The following ACTA2 variants were observed in gnomAD, a reference collection of about 807,000 sequenced individuals.
ACTA2 encodes the protein actin alpha 2, smooth muscle.
Under a neutral mutation model 39.5 loss-of-function variants are expected in ACTA2, and 12 were observed. The observed-to-expected ratio is 0.30, with a 90% confidence interval of 0.19 to 0.49. The LOEUF (loss-of-function observed/expected upper bound fraction) is 0.49, where lower values mean the gene tolerates loss of function less well. Ranked by LOEUF, ACTA2 falls within the 20% of genes least tolerant of loss-of-function variation. The pLI is 0.99. For missense variants in ACTA2, 236 were observed against 498.8 expected (o/e 0.47, Z 5.02); for synonymous variants, 158 against 180.6 (o/e 0.88, Z 1.00).
chr10:88,955,610 G>T (rs191340361), upstream of ACTA2, among the ~76,000 whole-genome samples: 252 of 152,312 alleles, frequency 1.7e-3, 2 homozygotes, highest in African/African-American at 5.8e-3. Flanking sequence ...TTCTTTATGG[G>T]AAATTTGACT....
At chr10:88,991,169 G>A in exon 1 of ACTA2, 1 of 586,134 alleles carries the variant, frequency 1.7e-6, no homozygotes, top group Non-Finnish European at 3.0e-6. Flanking sequence ...GGGCAGGCGG[G>A]GCAGCTCCGG....
intron 1 of ACTA2, among the ~76,000 whole-genome samples, chr10:88,970,636 G>A (rs1364106166): frequency 6.6e-6 from 1 of 152,118 alleles, no homozygotes; most frequent in Non-Finnish European, 1.5e-5. Flanking sequence ...CCTTACAATA[G>A]TTTGCTGAGA....
chr10:88,988,423 T>TG (rs1846976665), intron 1 of ACTA2, among the ~76,000 whole-genome samples: 1 of 76,162 alleles, frequency 1.3e-5, no homozygotes, highest in Admixed American at 1.2e-4. Flanking sequence ...GAAGTTTTTT[T>TG]TTTTTTTTGT....
At chr10:88,976,279 A>G (rs1359675353) in intron 1 of ACTA2, among the ~76,000 whole-genome samples, 1 of 152,194 alleles carries the variant, frequency 6.6e-6, no homozygotes, top group African/African-American at 2.4e-5. Flanking sequence ...ATTCAAAGCC[A>G]TCCTGGGCTG....
chr10:88,947,939 T>G (rs1278567354), intron 2 of ACTA2, among the ~76,000 whole-genome samples: 1 of 152,220 alleles, frequency 6.6e-6, no homozygotes, highest in Non-Finnish European at 1.5e-5. Flanking sequence ...CAATCAACTG[T>G]TAAGACATTT....
intron 1 of ACTA2, among the ~76,000 whole-genome samples, chr10:88,983,090 T>C (rs534762930): frequency 1.3e-5 from 2 of 152,332 alleles, no homozygotes; most frequent in African/African-American, 4.8e-5. Flanking sequence ...GTAGTTTATA[T>C]CCATATTGAG....
chr10:88,975,750 CCAGGAGATACTTGACAGAG>C (rs1351041594), intron 1 of ACTA2, among the ~76,000 whole-genome samples: 3 of 152,082 alleles, frequency 2.0e-5, no homozygotes, highest in Non-Finnish European at 4.4e-5. Context: ...AGGCCACAAA[CCAGGAGATACTTGACAGAG>C]CAGGAGGTGA....
intron 1 of ACTA2, among the ~76,000 whole-genome samples, chr10:88,950,677 A>G (rs2133278235): frequency 6.6e-6 from 1 of 152,336 alleles, no homozygotes; most frequent in East Asian, 1.9e-4. Context: ...AGTGATTATG[A>G]GCTTAGACTC....
rs763293284 is a variant in ACTA2 at position 88,990,297 on chromosome 10, G to A, written c.-24+642C>T. Among the ~76,000 whole-genome samples the A allele has an allele frequency of 6.6e-6, 1 of 152,170 alleles. No homozygotes were observed. Among genetic ancestry groups the A allele is most frequent in the Non-Finnish European group, 1.5e-5 (1 of 68,026 alleles). ...TTTCTCTGAGTGACTCCAGCAATTA[G>A]CCAAGGCTCCTGTACCCAGGCAGGA... On this transcript the variant is annotated intron_variant, in intron 1 of 4. Coordinates refer to the ACTA2 transcript ENST00000415557. This position sits in a 1 kb window ranked among gnomAD's most constrained non-coding sequence, Gnocchi z 4.9.
chr10:88,975,417 G>GTTTGT (rs1284075941), intron 1 of ACTA2, among the ~76,000 whole-genome samples: 1 of 152,102 alleles, frequency 6.6e-6, no homozygotes, highest in East Asian at 1.9e-4. Flanking sequence ...ACCTGAAAGT[G>GTTTGT]TTTGTTTTTT....
chr10:88,955,009 T>C (rs1263685219), upstream of ACTA2, among the ~76,000 whole-genome samples: 3 of 104,562 alleles, frequency 2.9e-5, no homozygotes, highest in Non-Finnish European at 5.7e-5. Flanking sequence ...AAAACAGTAG[T>C]GTCACACAAA....
At position 88,990,573 on chromosome 10, in the gene ACTA2, C is replaced by T; in HGVS notation, c.-24+366G>A. On this transcript the variant is annotated intron_variant, in intron 1 of 4. Coordinates refer to the ACTA2 transcript ENST00000415557. The surrounding 1 kb of genome is among the most constrained non-coding windows in gnomAD (Gnocchi z 4.9). The stretch of plus-strand genomic sequence containing the variant: ...CAAGTTGCTGAATCAATGGAGCCCT[C>T]CCCAACCCGGGCGTTCCCCAGCGAG... 1.5e-6 allele frequency: 1 copy of T among 656,870 alleles called. No individual in the cohort carries two copies. The highest frequency in any genetic ancestry group is 2.8e-6 in the Non-Finnish European group (1 of 357,220). 40.7% of individuals were successfully genotyped at this position (656,870 alleles called of 1,614,324 possible). A position where few individuals can be genotyped will look rare whatever the true frequency, so the allele number is the denominator to read the frequency against.
At chr10:88,957,860 CG>C (rs1358685072) in intron 1 of ACTA2, among the ~76,000 whole-genome samples, 2 of 152,086 alleles carry the variant, frequency 1.3e-5, no homozygotes, top group Non-Finnish European at 2.9e-5. Context: ...AACCGCCTAC[CG>C]GGTTCAAGTG....
At chr10:88,972,269 T>C (rs1317490223) in intron 1 of ACTA2, among the ~76,000 whole-genome samples, 2 of 152,112 alleles carry the variant, frequency 1.3e-5, no homozygotes, top group African/African-American at 4.8e-5. Flanking sequence ...TTGCTAACGA[T>C]TAAGGGGAGA....
intron 1 of ACTA2, among the ~76,000 whole-genome samples, chr10:88,981,705 G>T (rs577130308): frequency 6.6e-6 from 1 of 152,114 alleles, no homozygotes; most frequent in Non-Finnish European, 1.5e-5. Flanking sequence ...CTGGATGGGG[G>T]AAACGGTAGA....
At chr10:88,945,463 G>A (rs560485354) in intron 3 of ACTA2, among the ~76,000 whole-genome samples, 26 of 152,250 alleles carry the variant, frequency 1.7e-4, no homozygotes, top group Non-Finnish European at 2.9e-4. Context: ...GCCAGATATC[G>A]TGATTCTGAT....
intron 1 of ACTA2, among the ~76,000 whole-genome samples, chr10:88,978,366 A>T (rs943962711): frequency 9.2e-5 from 14 of 151,622 alleles, no homozygotes; most frequent in Admixed American, 3.3e-4. Flanking sequence ...AACCTGCATA[A>T]TGTGCACATG....
chr10:88,971,094 C>T (rs762409353), intron 1 of ACTA2, among the ~76,000 whole-genome samples: 10 of 152,152 alleles, frequency 6.6e-5, no homozygotes, highest in Non-Finnish European at 1.3e-4. Flanking sequence ...CGAATAATGG[C>T]GTCTGATTTT....
rs568287123 is a variant in ACTA2 at position 88,960,086 on chromosome 10, C to T, written c.-23-11133G>A. Among the ~76,000 whole-genome samples the T allele has an allele frequency of 2.4e-3, 371 of 152,274 alleles. 8 individuals are homozygous for T. The South Asian group carries it at 0.049, about 20-fold the overall frequency. On this transcript the variant is annotated intron_variant, in intron 1 of 4. Coordinates refer to the ACTA2 transcript ENST00000415557. ...CTCTACTGTAAAATTATTTTTCTGT[C>T]AGTATCTTCCATACTATACTCTTTG...
Sources: gnomAD v4.1 joint callset for allele counts (sites outside exome capture counted in the v4.1 genomes callset) on GRCh38, gnomAD v4.1.1 for gene constraint, Gnocchi (gnomAD v3.1) non-coding constraint, MANE v1.5 for transcripts, NCBI Gene and HGNC (gene_info 2026-07-23, HGNC 2026-07-21) for gene names.